The following ATP10A variants were observed in gnomAD, a reference collection of about 807,000 sequenced individuals.
The protein encoded by ATP10A is ATPase phospholipid transporting 10A (putative).
In ATP10A, 111 loss-of-function variants were observed where a neutral mutation model predicts 147.8. The ratio of observed to expected loss-of-function variants is 0.75; its 90% CI spans 0.64 to 0.88. ATP10A has a LOEUF of 0.88. Ranked by LOEUF, ATP10A falls within the 40% of genes least tolerant of loss-of-function variation. The pLI is 0.00. For missense variants in ATP10A, 1,927 were observed against 1,959.0 expected (o/e 0.98, Z 0.31); for synonymous variants, 875 against 841.6 (o/e 1.04, Z -0.69).
intron 7 of ATP10A, among the ~76,000 whole-genome samples, 180 bp from the exon 8 acceptor site, chr15:25,718,579 A>T (rs1901997354): frequency 6.6e-6 from 1 of 152,180 alleles, no homozygotes; most frequent in Non-Finnish European, 1.5e-5. Flanking sequence ...CAACCTGGGG[A>T]GGTTGATATT....
At chr15:25,854,944 C>T (rs143591825) in intron 1 of ATP10A, among the ~76,000 whole-genome samples, 3,192 of 151,968 alleles carry the variant, frequency 0.021, 45 homozygotes, top group African/African-American at 0.037. Flanking sequence ...CCTGTAATCC[C>T]AGCTATTCGG....
intron 17 of ATP10A, among the ~76,000 whole-genome samples, chr15:25,682,001 C>T (rs1899442385): frequency 6.7e-6 from 1 of 148,966 alleles, no homozygotes; most frequent in African/African-American, 2.5e-5. Context: ...TTGCAGTGAG[C>T]CGAGATCACA....
At chr15:25,864,554 T>G (rs1375526547), upstream of ATP10A, among the ~76,000 whole-genome samples, 1 of 152,108 alleles carries the variant, frequency 6.6e-6, no homozygotes, top group Non-Finnish European at 1.5e-5. Context: ...CTCTGCCCAG[T>G]TTTGCCACCA....
chr15:25,684,336 G>A (rs1899596851), intron 16 of ATP10A, among the ~76,000 whole-genome samples: 1 of 152,208 alleles, frequency 6.6e-6, no homozygotes, highest in South Asian at 2.1e-4. Flanking sequence ...GAGCTATGTA[G>A]CTGGGCACAG....
At chr15:25,856,102 T>C (rs1228035293) in intron 1 of ATP10A, among the ~76,000 whole-genome samples, 1 of 152,206 alleles carries the variant, frequency 6.6e-6, no homozygotes, top group Non-Finnish European at 1.5e-5. Flanking sequence ...AGCTTAAGAA[T>C]TTTAGAAAGC....
At chr15:25,688,079 T>C (rs1438068883) in intron 15 of ATP10A, 5 of 526,480 alleles carry the variant, frequency 9.5e-6, no homozygotes, top group African/African-American at 1.9e-5. Context: ...CTTTCAAATA[T>C]GTGTCACTAA....
At chr15:25,685,829 A>G (rs1377188492) in intron 16 of ATP10A, among the ~76,000 whole-genome samples, 12 of 151,828 alleles carry the variant, frequency 7.9e-5, no homozygotes, top group Middle Eastern at 6.8e-3. Context: ...GTCTTTAAAA[A>G]AAAAAAAAAA....
At chr15:25,831,542 C>G (rs1340126484) in intron 1 of ATP10A, among the ~76,000 whole-genome samples, 3 of 152,188 alleles carry the variant, frequency 2.0e-5, no homozygotes, top group African/African-American at 7.2e-5. Context: ...TCTTGGCAAT[C>G]AATGACAGTC....
intron 1 of ATP10A, among the ~76,000 whole-genome samples, chr15:25,861,509 C>G (rs1893758245): frequency 6.6e-6 from 1 of 152,140 alleles, no homozygotes; most frequent in South Asian, 2.1e-4. Flanking sequence ...GGCACGCATC[C>G]ATGGCTTCAT....
intron 1 of ATP10A, among the ~76,000 whole-genome samples, chr15:25,781,498 T>C (rs1889922771): frequency 6.6e-6 from 1 of 151,866 alleles, no homozygotes; most frequent in Non-Finnish European, 1.5e-5. Context: ...CTACTAAAAA[T>C]ACAAAAATTA....
chr15:25,709,444 T>A (rs183443585), intron 10 of ATP10A: 1 of 152,350 alleles, frequency 6.6e-6, no homozygotes, highest in East Asian at 1.9e-4. Context: ...GAAATACTCT[T>A]GATAAAGCTG....
At chr15:25,794,825 G>A (rs12591364) in intron 1 of ATP10A, among the ~76,000 whole-genome samples, 14,018 of 152,212 alleles carry the variant, frequency 0.092, 792 homozygotes, top group East Asian at 0.2. Context: ...GGCCACACAC[G>A]TGGATTCCAC....
chr15:25,799,659 G>A (rs1890845797), intron 1 of ATP10A, among the ~76,000 whole-genome samples: 1 of 152,126 alleles, frequency 6.6e-6, no homozygotes, highest in Non-Finnish European at 1.5e-5. Context: ...CTTGAGCCCA[G>A]GAGGTCGCGG....
At chr15:25,779,860 A>G (rs1309975979) in intron 2 of ATP10A, among the ~76,000 whole-genome samples, 1 of 151,862 alleles carries the variant, frequency 6.6e-6, no homozygotes, top group Admixed American at 6.6e-5. Flanking sequence ...ACACACACAC[A>G]CACACACACA....
chr15:25,852,478 T>G (rs879661584), intron 1 of ATP10A, among the ~76,000 whole-genome samples: 7 of 152,166 alleles, frequency 4.6e-5, no homozygotes, highest in Non-Finnish European at 1.0e-4. Flanking sequence ...CGCTGAACTG[T>G]AGAACCCTCA....
intron 1 of ATP10A, among the ~76,000 whole-genome samples, chr15:25,795,458 T>C (rs1338617177): frequency 6.6e-6 from 1 of 152,220 alleles, no homozygotes; most frequent in Non-Finnish European, 1.5e-5. Flanking sequence ...TTGAATACCT[T>C]TCCTATTGTA....
chr15:25,770,599 G>A (rs1037663341), intron 2 of ATP10A, among the ~76,000 whole-genome samples: 3 of 152,198 alleles, frequency 2.0e-5, no homozygotes, highest in Non-Finnish European at 4.4e-5. Context: ...ACTCTCACCA[G>A]AGGGTTGCAA....
At chr15:25,809,726 C>T (rs192028800) in intron 1 of ATP10A, among the ~76,000 whole-genome samples, 59 of 152,256 alleles carry the variant, frequency 3.9e-4, no homozygotes, top group Non-Finnish European at 6.5e-4. Flanking sequence ...GGAAGACAAC[C>T]CCACTCCTGC....
In ATP10A at chr15:25,695,055, C is replaced by T. The variant is rs2140322394; in HGVS notation, c.2852G>A (p.Ser951Asn). 1 of 1,614,216 alleles carries T rather than the reference C, an allele frequency of 6.2e-7. No homozygotes were observed. Among genetic ancestry groups the T allele is most frequent in the Non-Finnish European group, 8.5e-7 (1 of 1,180,038 alleles). Residue 951 changes from serine (S) to asparagine (N), a missense_variant, in exon 14 of 21, where the codon AGC becomes AAC. Transcript: ENST00000555815. ...RAPEKTKGKV[S>N]MRFSSLCPPS... ...TGGGCAGAGAGAGGAGAACCTCATG[C>T]TCACTTTGCCCTTGGTCTTCTCAGG... is the stretch of plus-strand genomic sequence containing the variant.
Sources: gnomAD v4.1 joint callset for allele counts (sites outside exome capture counted in the v4.1 genomes callset) on GRCh38, gnomAD v4.1.1 for gene constraint, MANE v1.5 for transcripts, NCBI Gene and HGNC (gene_info 2026-07-23, HGNC 2026-07-21) for gene names.